The following GOLGA3 variants were observed in gnomAD, a reference collection of about 807,000 sequenced individuals.
GOLGA3 encodes golgin subfamily A member 3.
A neutral mutation model predicts 169.4 loss-of-function variants in GOLGA3; 75 were observed. The observed-to-expected ratio is 0.44, with a 90% CI of 0.37 to 0.54. GOLGA3 has a LOEUF of 0.54. Among genes scored for constraint, GOLGA3 ranks in the 20% least tolerant of loss-of-function variants. The pLI is 0.00. For missense variants in GOLGA3, 1,899 were observed against 1,930.0 expected (o/e 0.98, Z 0.30); for synonymous variants, 824 against 822.4 (o/e 1.00, Z -0.03).
chr12:132,813,450 CAT>C, intron 3 of GOLGA3, 31 bp from the exon 4 acceptor site: 1 of 1,204,412 alleles, frequency 8.3e-7, no homozygotes, highest in Non-Finnish European at 1.2e-6. Context: ...TTTGGAAACT[CAT>C]AAAATACCAG....
At chr12:132,813,932 G>A (rs1949835562) in intron 3 of GOLGA3, among the ~76,000 whole-genome samples, 2 of 151,570 alleles carry the variant, frequency 1.3e-5, no homozygotes, top group South Asian at 2.1e-4. Flanking sequence ...CACCATGTTA[G>A]TCAGGATGGT....
Position 132,807,920 on chromosome 12 carries a change from C to T in GOLGA3, c.1149G>A (p.Val383=). The T allele has an allele frequency of 6.2e-7, 1 of 1,612,186 alleles. No individual in the cohort carries two copies. Among genetic ancestry groups the T allele is most frequent in the Middle Eastern group, 1.7e-4 (1 of 6,040 alleles). ...QDQGQEVNGE[V]RSRRDSICSS... is the part of the protein sequence containing the mutation. ...TGCAGATGCTGTCTCTCCGACTCCG[C>T]ACCTCCCCGTTGACCTCCTGCCCCT... The change falls in exon 5 of 24, where the codon GTG becomes GTA. Residue 383 remains valine, a synonymous_variant. Coordinates refer to ENST00000450791, the MANE Select transcript of GOLGA3 (RefSeq NM_001389683.1).
Position 132,822,232 on chromosome 12 carries a change from C to G in GOLGA3, c.-104G>C. 1 of 1,443,198 alleles carries G rather than the reference C, an allele frequency of 6.9e-7. No homozygotes were observed. The highest frequency in any genetic ancestry group is 9.0e-7 in the Non-Finnish European group (1 of 1,106,124). The allele number at this position is 1,443,198 out of a possible 1,614,324, so 89.4% of individuals were successfully genotyped here. ...ACAGCCAAGAGCTCCTGGGAGGGGC[C>G]CTACTGTGTCTCCCATTTTCAGGAG... On this transcript the variant is annotated 5_prime_UTR_variant, in exon 2 of 24. Transcript: ENST00000450791.
At chr12:132,825,084 C>G (rs989184706) in intron 1 of GOLGA3, among the ~76,000 whole-genome samples, 1 of 152,192 alleles carries the variant, frequency 6.6e-6, no homozygotes, top group Admixed American at 6.5e-5. Context: ...GTACCCTGTA[C>G]ATCTGGTCCT....
At chr12:132,784,712 CCACACA>C (rs55815113) in intron 15 of GOLGA3, among the ~76,000 whole-genome samples, 1 of 151,548 alleles carries the variant, frequency 6.6e-6, no homozygotes, top group Non-Finnish European at 1.5e-5. Context: ...ATCCCACACA[CCACACA>C]CACACGTGCT....
chr12:132,778,398 C>T (rs1464331041), intron 18 of GOLGA3, among the ~76,000 whole-genome samples: 2 of 151,998 alleles, frequency 1.3e-5, no homozygotes, highest in Non-Finnish European at 2.9e-5. Context: ...GGGGAAACCC[C>T]GTCTCTACTA....
intron 18 of GOLGA3, among the ~76,000 whole-genome samples, chr12:132,778,945 C>T (rs1029174391): frequency 1.3e-5 from 2 of 151,996 alleles, no homozygotes; most frequent in African/African-American, 4.8e-5. Context: ...GGAGCGAAAG[C>T]TGGAGAGCTG....
At chr12:132,816,449 G>A in intron 3 of GOLGA3, 91 bp downstream of exon 3, 2 of 1,338,682 alleles carry the variant, frequency 1.5e-6, no homozygotes, top group South Asian at 2.6e-5. Context: ...GCACACAACA[G>A]CTCAGACAGT....
In GOLGA3 at chr12:132,791,280, T is replaced by A; in HGVS notation, c.2483A>T (p.Gln828Leu). 1 of 1,602,380 alleles carries A rather than the reference T, an allele frequency of 6.2e-7. No individual in the cohort carries two copies. The highest frequency in any genetic ancestry group is 8.5e-7 in the Non-Finnish European group (1 of 1,171,060). Residue 828 changes from glutamine to leucine, a missense_variant, in exon 12 of 24, where the codon CAG (glutamine) becomes CTG (leucine). By Grantham distance (113) the Gln-to-Leu change is moderately radical. Transcript: ENST00000450791. ...AIKSGQVEHL[Q>L]QETAALKKQM... ...CTTTTTCAGAGCAGCAGTCTCCTGC[T>A]GCAGGTGTTCCACCTGTGGGAGACA...
chr12:132,798,442 G>A lies in GOLGA3; in HGVS notation c.1836C>T (p.His612=), dbSNP rs751915597. The A allele has an allele frequency of 2.5e-6, 4 of 1,613,154 alleles. No individual in the cohort carries two copies. Among genetic ancestry groups the A allele is most frequent in the Non-Finnish European group, 3.4e-6 (4 of 1,179,726 alleles). The change falls in exon 9 of 24, where the codon CAC becomes CAT. Residue 612 remains histidine (H), a synonymous_variant. Transcript: ENST00000450791. ...GQMTQAGLLE[H]LKLENVSLSQ... ...ACAGGGACACATTCTCGAGTTTCAG[G>A]TGCTCCAGGAGACCTGCCTGGGTCA...
Position 132,791,302 on chromosome 12 carries a change from G to A in GOLGA3, c.2470-9C>T, listed in dbSNP as rs554312277. 65 of 1,564,978 alleles carry A rather than the reference G, an allele frequency of 4.2e-5. No individual in the cohort carries two copies. The South Asian group carries it at 6.6e-4, about 16-fold the overall frequency. On this transcript the variant is annotated splice_polypyrimidine_tract_variant and intron_variant, in intron 11 of 23. Transcript: ENST00000450791. ...TGCTGCAGGTGTTCCACCTGTGGGA[G>A]ACATGTGCACAGACATTACACTGAC...
At chr12:132,821,410 A>G (rs1223886354) in intron 2 of GOLGA3, among the ~76,000 whole-genome samples, 3 of 678 alleles carry the variant, frequency 4.4e-3, no homozygotes, top group South Asian at 0.5. Flanking sequence ...TCCACGTCGA[A>G]AAAAAAAAAA....
chr12:132,780,931 G>A lies in GOLGA3; in HGVS notation c.3466-17C>T, dbSNP rs376262201. On this transcript the variant is annotated splice_polypyrimidine_tract_variant and intron_variant, in intron 17 of 23. Coordinates refer to ENST00000450791, the MANE Select transcript of GOLGA3 (RefSeq NM_001389683.1). Reference sequence around the variant, plus strand: ...TGCCTGCACCTAGATCAGATTGCAGGAGGACAGATAAGGAAGGACGTCGAA... The same window carrying A: ...TGCCTGCACCTAGATCAGATTGCAGAAGGACAGATAAGGAAGGACGTCGAA... 6.3e-6 allele frequency: 10 copies of A among 1,582,292 alleles called. No homozygotes were observed. In the Admixed American group the frequency reaches 1.0e-4, roughly 16 times the overall value.
chr12:132,812,531 T>A (rs1009817623), intron 4 of GOLGA3, among the ~76,000 whole-genome samples: 2 of 151,618 alleles, frequency 1.3e-5, no homozygotes, highest in Non-Finnish European at 2.9e-5. Context: ...GGTGGAGGGG[T>A]CAAAATATCA....
intron 4 of GOLGA3, among the ~76,000 whole-genome samples, 157 bp downstream of exon 4, chr12:132,813,149 CT>C (rs1328901944): frequency 7.2e-5 from 11 of 152,182 alleles, no homozygotes; most frequent in African/African-American, 2.7e-4. Flanking sequence ...GCTTTCTTTG[CT>C]TTTCAATTGG....
intron 9 of GOLGA3, among the ~76,000 whole-genome samples, chr12:132,797,399 A>G: frequency 6.6e-6 from 1 of 152,104 alleles, no homozygotes; most frequent in East Asian, 1.9e-4. Context: ...TTTTTCCACA[A>G]GGCTATCGAG....
chr12:132,774,797 C>A (rs1391236793), intron 22 of GOLGA3: 3 of 467,202 alleles, frequency 6.4e-6, no homozygotes, highest in East Asian at 3.5e-5. Context: ...GGATGTGGAC[C>A]GAGCACAGAA....
At chr12:132,826,111 G>A (rs1235435287) in intron 1 of GOLGA3, 4 of 1,538,336 alleles carry the variant, frequency 2.6e-6, no homozygotes, top group East Asian at 4.5e-5. Flanking sequence ...GCCGGCCTCT[G>A]AGCAAGACAG....
In GOLGA3 at chr12:132,777,612, C is replaced by T. The variant is rs2045318513; in HGVS notation, c.3722+54G>A. ...CTGTGCTGAAGGTGTGAATTAGACC[C>T]CGCCCATTGCCAGGACAGCCATGTT... On this transcript the variant is annotated intron_variant, in intron 19 of 23. Transcript: ENST00000450791. The surrounding 1 kb of genome is among the most constrained non-coding windows in gnomAD (Gnocchi z 4.7). 6 of 1,600,426 alleles carry T rather than the reference C, an allele frequency of 3.7e-6. No homozygotes were observed. The highest frequency in any genetic ancestry group is 1.3e-5 in the African/African-American group (1 of 74,668).
Sources: allele counts gnomAD v4.1 joint callset (sites outside exome capture counted in the v4.1 genomes callset), GRCh38; gene constraint gnomAD v4.1.1; non-coding constraint Gnocchi (gnomAD v3.1); transcripts MANE v1.5; gene names NCBI Gene and HGNC (gene_info 2026-07-23, HGNC 2026-07-21).